The following UNC5D variants were observed in gnomAD, a reference collection of about 807,000 sequenced individuals.
UNC5D encodes the protein netrin receptor UNC5D.
In UNC5D, 39 loss-of-function variants were observed where a neutral mutation model predicts 105.4. That is an observed-to-expected ratio of 0.37 (90% CI 0.29 to 0.48). The LOEUF (loss-of-function observed/expected upper bound fraction) is 0.48. Ranked by LOEUF, UNC5D falls within the 20% of genes least tolerant of loss-of-function variation. UNC5D has a pLI of 0.98. For missense variants in UNC5D, 991 were observed against 1,202.4 expected (o/e 0.82, Z 2.60); for synonymous variants, 452 against 450.4 (o/e 1.00, Z -0.04).
chr8:35,378,160 T>C (rs1056445061), intron 1 of UNC5D, among the ~76,000 whole-genome samples: 4 of 152,202 alleles, frequency 2.6e-5, no homozygotes, highest in African/African-American at 9.6e-5. Flanking sequence ...TGCGATCCCC[T>C]ATCTCCTGCC....
At chr8:35,383,042 T>C (rs1803140516) in intron 1 of UNC5D, among the ~76,000 whole-genome samples, 2 of 152,208 alleles carry the variant, frequency 1.3e-5, no homozygotes, top group Admixed American at 6.5e-5. Flanking sequence ...AGGAAGTGCA[T>C]TTAGTGATGG....
At chr8:35,526,730 G>T (rs1424476572) in intron 1 of UNC5D, among the ~76,000 whole-genome samples, 1 of 151,970 alleles carries the variant, frequency 6.6e-6, no homozygotes, top group Non-Finnish European at 1.5e-5. Flanking sequence ...AACCAGGAGG[G>T]ATACATGCTT....
chr8:35,524,385 CTATCTGCACACTG>C (rs1472186129), intron 1 of UNC5D, among the ~76,000 whole-genome samples: 2 of 143,516 alleles, frequency 1.4e-5, no homozygotes, highest in African/African-American at 5.2e-5. Flanking sequence ...AAGCCAAATT[CTATCTGCACACTG>C]GCTCTACAAA....
intron 4 of UNC5D, among the ~76,000 whole-genome samples, chr8:35,654,122 A>G (rs1823591425): frequency 6.6e-6 from 1 of 152,110 alleles, no homozygotes; most frequent in Admixed American, 6.5e-5. Flanking sequence ...TTTTCCTATT[A>G]TATGAATTTC....
At chr8:35,237,535 G>A (rs540226587) in intron 1 of UNC5D, among the ~76,000 whole-genome samples, 11 of 152,210 alleles carry the variant, frequency 7.2e-5, no homozygotes, top group Admixed American at 2.0e-4. Context: ...AAGCCAGCTC[G>A]AAACAAGAGG....
intron 1 of UNC5D, among the ~76,000 whole-genome samples, chr8:35,338,287 G>C (rs1380100538): frequency 6.6e-6 from 1 of 152,018 alleles, no homozygotes; most frequent in Non-Finnish European, 1.5e-5. Context: ...CTATTCTTCA[G>C]GGTTTTTTTT....
chr8:35,423,377 TGTC>T (rs1039520205), intron 1 of UNC5D, among the ~76,000 whole-genome samples: 15 of 152,154 alleles, frequency 9.9e-5, no homozygotes, highest in African/African-American at 3.4e-4. Flanking sequence ...CTCTCTGAAA[TGTC>T]CTCCTCCTTC....
intron 8 of UNC5D, among the ~76,000 whole-genome samples, chr8:35,708,522 G>A (rs369804964): frequency 1.3e-5 from 2 of 152,080 alleles, no homozygotes; most frequent in Non-Finnish European, 2.9e-5. Context: ...CAGGAGGTGC[G>A]GTAAAATATA....
chr8:35,641,363 A>C (rs962957850), intron 4 of UNC5D, among the ~76,000 whole-genome samples: 10 of 148,054 alleles, frequency 6.8e-5, no homozygotes, highest in Non-Finnish European at 1.3e-4. Flanking sequence ...AAAAAAAATA[A>C]AGCAAAAAAA....
chr8:35,649,037 C>T (rs1296945702), intron 4 of UNC5D, among the ~76,000 whole-genome samples: 3 of 152,066 alleles, frequency 2.0e-5, no homozygotes, highest in Non-Finnish European at 2.9e-5. Context: ...ACTTTTATTA[C>T]ATACTAAGAT....
At chr8:35,658,082 C>A (rs1214562261) in intron 4 of UNC5D, among the ~76,000 whole-genome samples, 3 of 152,126 alleles carry the variant, frequency 2.0e-5, no homozygotes, top group Non-Finnish European at 4.4e-5. Flanking sequence ...AATATCTAAT[C>A]CCTAACAGAA....
chr8:35,516,474 T>A (rs1037883177), intron 1 of UNC5D, among the ~76,000 whole-genome samples: 12 of 152,232 alleles, frequency 7.9e-5, no homozygotes, highest in South Asian at 2.1e-4. Context: ...CACGGCAGTA[T>A]GTTGAGGGCT....
chr8:35,389,789 G>A (rs1196206132), intron 1 of UNC5D, among the ~76,000 whole-genome samples: 1 of 149,372 alleles, frequency 6.7e-6, no homozygotes, highest in Non-Finnish European at 1.5e-5. Context: ...CAAGCAATGG[G>A]AAGTTAAAGG....
chr8:35,468,211 T>C (rs1809451367), intron 1 of UNC5D, among the ~76,000 whole-genome samples: 1 of 152,170 alleles, frequency 6.6e-6, no homozygotes. Flanking sequence ...TGAATAACTA[T>C]TGAGAGCATG....
chr8:35,247,649 T>A (rs1357405651), intron 1 of UNC5D, among the ~76,000 whole-genome samples: 1 of 54,708 alleles, frequency 1.8e-5, no homozygotes, highest in African/African-American at 8.2e-5. Context: ...AAATATATAT[T>A]ATATATAAAA....
intron 1 of UNC5D, among the ~76,000 whole-genome samples, chr8:35,293,620 G>A (rs993194804): frequency 4.6e-5 from 7 of 151,992 alleles, no homozygotes; most frequent in Non-Finnish European, 8.8e-5. Context: ...AATCTCTTTC[G>A]TGATTTCCAT....
intron 1 of UNC5D, among the ~76,000 whole-genome samples, chr8:35,316,489 T>G (rs919542320): frequency 6.6e-6 from 1 of 152,192 alleles, no homozygotes; most frequent in African/African-American, 2.4e-5. Context: ...AAAACTCCTT[T>G]GTGATTGTCC....
chr8:35,307,182 T>C (rs1266106461), intron 1 of UNC5D, among the ~76,000 whole-genome samples: 1 of 152,218 alleles, frequency 6.6e-6, no homozygotes, highest in Non-Finnish European at 1.5e-5. Flanking sequence ...TGTTGGGCTC[T>C]GTTCAAAGCT....
At chr8:35,642,800 G>T (rs755020065) in intron 4 of UNC5D, among the ~76,000 whole-genome samples, 4 of 152,088 alleles carry the variant, frequency 2.6e-5, no homozygotes, top group Non-Finnish European at 4.4e-5. Context: ...GCTCCTAGAA[G>T]ACATTTTAAT....
Sources: allele counts gnomAD v4.1 joint callset (sites outside exome capture counted in the v4.1 genomes callset), GRCh38; gene constraint gnomAD v4.1.1; transcripts MANE v1.5; gene names NCBI Gene and HGNC (gene_info 2026-07-23, HGNC 2026-07-21).